Variants in HTR1E observed in about 807,000 individuals in gnomAD.
HTR1E encodes 5-HT-1E.
HTR1E carries 3 observed loss-of-function variants against 3.4 expected under a neutral mutation model. The observed-to-expected ratio is 0.89, with a 90% CI of 0.41 to 2.31. The LOEUF (loss-of-function observed/expected upper bound fraction) is 2.31. Among genes scored for constraint, HTR1E ranks in the 30% most tolerant of loss-of-function variants. The probability of loss-of-function intolerance (pLI) is 0.05; values close to 1 mark genes in which losing one functional copy is unlikely to be tolerated. For missense variants in HTR1E, 392 were observed against 467.0 expected, an observed-to-expected ratio of 0.84 and a Z score of 1.48; for synonymous variants, 170 against 182.8, an observed-to-expected ratio of 0.93 and a Z score of 0.56.
chr6:87,006,501 T>C lies in HTR1E; in HGVS notation c.-185-8649T>C, dbSNP rs148450036. 1.1e-3 allele frequency among the ~76,000 whole-genome samples: 160 copies of C among 152,336 alleles called. 1 individual carries two copies. Among genetic ancestry groups the C allele is most frequent in the African/African-American group, 3.7e-3 (155 of 41,584 alleles). On this transcript the variant is annotated intron_variant, in intron 1 of 1. Coordinates refer to ENST00000305344, the MANE Select transcript of HTR1E (RefSeq NM_000865.3). ...GGGAATGTAAATTACTTTAACATTG[T>C]GGAATATGGTGTGGCAATTCCTCAA...
chr6:86,975,915 T>TGA (rs1410626966), intron 1 of HTR1E, among the ~76,000 whole-genome samples: 1 of 137,108 alleles, frequency 7.3e-6, no homozygotes, highest in Non-Finnish European at 1.6e-5. Flanking sequence ...TCTCTCTCTC[T>TGA]GAGACACACA....
At chr6:86,997,618 G>C (rs187834166) in intron 1 of HTR1E, among the ~76,000 whole-genome samples, 59 of 151,682 alleles carry the variant, frequency 3.9e-4, no homozygotes, top group African/African-American at 1.4e-3. Context: ...AAAATACTTA[G>C]GTGTAAATCT....
chr6:87,010,494 C>G (rs1768206905), intron 1 of HTR1E, among the ~76,000 whole-genome samples: 1 of 147,890 alleles, frequency 6.8e-6, no homozygotes, highest in Non-Finnish European at 1.5e-5. Context: ...CAGAGGCGCT[C>G]CTCACATCCC....
intron 1 of HTR1E, among the ~76,000 whole-genome samples, chr6:86,939,003 G>A (rs1219441911): frequency 6.6e-6 from 1 of 152,176 alleles, no homozygotes; most frequent in East Asian, 1.9e-4. Context: ...AGGCACGTGG[G>A]TCTGATTCCC....
chr6:86,938,375 T>A (rs537821445), intron 1 of HTR1E, among the ~76,000 whole-genome samples: 30 of 152,222 alleles, frequency 2.0e-4, no homozygotes, highest in South Asian at 4.1e-4. Context: ...TCATTTTTTT[T>A]AAAATACAAA....
intron 1 of HTR1E, among the ~76,000 whole-genome samples, chr6:86,958,239 T>C (rs1267847210): frequency 1.3e-5 from 2 of 152,056 alleles, no homozygotes; most frequent in Admixed American, 6.6e-5. Context: ...TTTGTATTTT[T>C]AGTAGAGACG....
intron 1 of HTR1E, among the ~76,000 whole-genome samples, chr6:86,973,298 CTGTGTGTGTGTGTGTG>C (rs3043129): frequency 1.3e-5 from 2 of 149,492 alleles, no homozygotes; most frequent in Non-Finnish European, 1.5e-5. Flanking sequence ...AAGGCAGTGG[CTGTGTGTGTGTGTGTG>C]TGTGTGTGTG....
At chr6:87,007,932 T>G (rs1435509261) in intron 1 of HTR1E, among the ~76,000 whole-genome samples, 1 of 148,638 alleles carries the variant, frequency 6.7e-6, no homozygotes, top group Non-Finnish European at 1.5e-5. Context: ...AGATTCTGTC[T>G]CAAAAAAAAA....
intron 1 of HTR1E, among the ~76,000 whole-genome samples, chr6:86,970,055 T>A (rs903804730): frequency 6.6e-6 from 1 of 152,162 alleles, no homozygotes; most frequent in African/African-American, 2.4e-5. Flanking sequence ...ATTCCTTGGT[T>A]TTCTTCACAT....
intron 1 of HTR1E, among the ~76,000 whole-genome samples, chr6:87,010,741 G>A (rs368577008): frequency 1.0e-4 from 15 of 149,890 alleles, no homozygotes; most frequent in African/African-American, 3.2e-4. Context: ...CTTCCCAGAC[G>A]GGGTGGCGGC....
intron 1 of HTR1E, among the ~76,000 whole-genome samples, chr6:86,960,642 G>A (rs1767392587): frequency 6.6e-6 from 1 of 152,176 alleles, no homozygotes; most frequent in Non-Finnish European, 1.5e-5. Flanking sequence ...GGAAAGTGAG[G>A]TTAAATGAAA....
chr6:86,967,947 T>C (rs1021816033), intron 1 of HTR1E, among the ~76,000 whole-genome samples: 1 of 152,144 alleles, frequency 6.6e-6, no homozygotes, highest in East Asian at 1.9e-4. Context: ...CAAAAAAGAA[T>C]TGTTCCTCTC....
At chr6:86,968,706 A>C (rs916021521) in intron 1 of HTR1E, among the ~76,000 whole-genome samples, 1 of 152,164 alleles carries the variant, frequency 6.6e-6, no homozygotes, top group African/African-American at 2.4e-5. Flanking sequence ...TGATGAAATT[A>C]GTCCTTAATA....
chr6:86,938,591 G>A (rs1178948906), intron 1 of HTR1E, among the ~76,000 whole-genome samples: 1 of 152,130 alleles, frequency 6.6e-6, no homozygotes, highest in Admixed American at 6.6e-5. Context: ...TTGGAAGAAA[G>A]GACCTTGTAT....
chr6:86,951,217 CCTAA>C (rs1190596549), intron 1 of HTR1E, among the ~76,000 whole-genome samples: 3 of 152,142 alleles, frequency 2.0e-5, no homozygotes, highest in Admixed American at 6.6e-5. Context: ...ATAATTTCTT[CCTAA>C]CTGTTTTGGC....
intron 1 of HTR1E, among the ~76,000 whole-genome samples, chr6:86,996,911 G>GT (rs1776748906): frequency 6.6e-6 from 1 of 151,598 alleles, no homozygotes; most frequent in East Asian, 1.9e-4. Context: ...AGCAAAGGCA[G>GT]TAAAAAAAAA....
At chr6:86,963,283 A>G (rs903526855) in intron 1 of HTR1E, among the ~76,000 whole-genome samples, 10 of 152,146 alleles carry the variant, frequency 6.6e-5, no homozygotes, top group African/African-American at 2.4e-4. Context: ...ATTTTTGTAC[A>G]GCTGTACAAT....
chr6:87,000,367 A>G (rs1768002700), intron 1 of HTR1E: 1 of 152,232 alleles, frequency 6.6e-6, no homozygotes, highest in Admixed American at 6.5e-5. Context: ...TCCAAAACCT[A>G]GAGTAATAAA....
chr6:86,988,015 AT>A (rs1767815920), intron 1 of HTR1E, among the ~76,000 whole-genome samples: 1 of 152,190 alleles, frequency 6.6e-6, no homozygotes, highest in South Asian at 2.1e-4. Flanking sequence ...TAGCACAGGT[AT>A]CCATATTATC....
Sources: gnomAD v4.1 joint callset for allele counts (sites outside exome capture counted in the v4.1 genomes callset) on GRCh38, gnomAD v4.1.1 for gene constraint, MANE v1.5 for transcripts, NCBI Gene and HGNC (gene_info 2026-07-23, HGNC 2026-07-21) for gene names.